CERT1: variants seen among roughly 807,000 people sequenced by gnomAD.
CERT1 encodes the protein ceramide transfer protein.
A neutral mutation model predicts 87.9 loss-of-function variants in CERT1; 31 were observed. That is an observed-to-expected ratio of 0.35 (90% CI 0.27 to 0.48). The LOEUF is 0.48. Among genes scored for constraint, CERT1 ranks in the 20% least tolerant of loss-of-function variants. The pLI is 0.99. For missense variants in CERT1, 487 were observed against 758.0 expected, an observed-to-expected ratio of 0.64 and a Z score of 4.20; for synonymous variants, 289 against 250.9, an observed-to-expected ratio of 1.15 and a Z score of -1.44.
At chr5:75,407,754 G>A (rs753957065) in intron 8 of CERT1, among the ~76,000 whole-genome samples, 1 of 151,816 alleles carries the variant, frequency 6.6e-6, no homozygotes. Context: ...AATATTAAAA[G>A]CCAGTGCCCT....
At chr5:75,440,049 A>G (rs1194279251) in intron 3 of CERT1, among the ~76,000 whole-genome samples, 1 of 152,066 alleles carries the variant, frequency 6.6e-6, no homozygotes, top group African/African-American at 2.4e-5. Context: ...TTTTATCTGT[A>G]AAACGATATG....
At chr5:75,430,206 C>CT (rs1376713324) in intron 3 of CERT1, among the ~76,000 whole-genome samples, 1 of 152,172 alleles carries the variant, frequency 6.6e-6, no homozygotes, top group East Asian at 1.9e-4. Context: ...AATGGTCACA[C>CT]TTTTTAATAA....
At chr5:75,408,778 A>C (rs567114729) in intron 8 of CERT1, among the ~76,000 whole-genome samples, 1 of 152,158 alleles carries the variant, frequency 6.6e-6, no homozygotes, top group Non-Finnish European at 1.5e-5. Context: ...ATGTAAAATA[A>C]AATAAAAAAA....
rs1015594737 is a variant in CERT1 at position 75,511,395 on chromosome 5, C to G, written c.-188G>C. 1.9e-6 allele frequency: 3 copies of G among 1,546,060 alleles called. No individual in the cohort carries two copies. Among genetic ancestry groups the G allele is most frequent in the African/African-American group, 1.4e-5 (1 of 72,880 alleles). Reference sequence around the variant, plus strand: ...CCGCCGCGCCTGACACCGAGCGGAGCGAGGAAGGAGGACGAGCGGTGAAGG... The same window carrying G: ...CCGCCGCGCCTGACACCGAGCGGAGGGAGGAAGGAGGACGAGCGGTGAAGG... On this transcript the variant is annotated 5_prime_UTR_variant, in exon 1 of 17. Transcript: ENST00000643780.
intron 7 of CERT1, among the ~76,000 whole-genome samples, chr5:75,413,748 C>A (rs1460771221): frequency 1.3e-5 from 2 of 151,954 alleles, no homozygotes; most frequent in Non-Finnish European, 2.9e-5. Context: ...CACCCACACA[C>A]CCACACATCC....
At chr5:75,442,244 C>CCTTA (rs1439021992) in intron 3 of CERT1, among the ~76,000 whole-genome samples, 2 of 152,176 alleles carry the variant, frequency 1.3e-5, no homozygotes, top group African/African-American at 4.8e-5. Flanking sequence ...CATTTCACTT[C>CCTTA]AGAGGACTCC....
intron 1 of CERT1, among the ~76,000 whole-genome samples, chr5:75,509,700 ATAC>A (rs1767827809): frequency 6.6e-6 from 1 of 152,178 alleles, no homozygotes; most frequent in Non-Finnish European, 1.5e-5. Context: ...ACACATCACA[ATAC>A]TAATATGGCA....
intron 17 of CERT1, chr5:75,372,319 C>G (rs914290468): frequency 5.1e-5 from 7 of 136,720 alleles, no homozygotes; most frequent in African/African-American, 1.9e-4. Flanking sequence ...CCCTCCCCAA[C>G]CCCCCCATTC....
At position 75,488,974 on chromosome 5, in the gene CERT1, C is replaced by T. The variant is rs180940205; in HGVS notation, c.231+17008G>A. On this transcript the variant is annotated intron_variant, in intron 2 of 16. Coordinates refer to ENST00000643780, the MANE Select transcript of CERT1 (RefSeq NM_001379029.1). ...TAAGCAAAAAGAACAAAGCTGGAGG[C>T]ATCATGCTACCTGACTTCAAACTAT... 2.1e-3 allele frequency among the ~76,000 whole-genome samples: 314 copies of T among 152,170 alleles called. 1 individual carries two copies. In the East Asian group the frequency reaches 0.027, roughly 13 times the overall value.
intron 11 of CERT1, among the ~76,000 whole-genome samples, chr5:75,397,673 C>T (rs960486488): frequency 6.6e-6 from 1 of 152,076 alleles, no homozygotes; most frequent in Admixed American, 6.5e-5. Flanking sequence ...CCAAAGTCTC[C>T]CAGTATTATG....
chr5:75,401,887 T>C (rs902531516), intron 9 of CERT1: 2 of 152,226 alleles, frequency 1.3e-5, no homozygotes, highest in South Asian at 4.1e-4. Flanking sequence ...CATGATTATT[T>C]GGCAAGATAC....
intron 2 of CERT1, among the ~76,000 whole-genome samples, chr5:75,480,281 T>TA (rs1766173226): frequency 6.6e-6 from 1 of 152,162 alleles, no homozygotes; most frequent in Non-Finnish European, 1.5e-5. Flanking sequence ...CAAAATAAGT[T>TA]AAAAAACAAA....
chr5:75,457,868 A>G (rs905324040), intron 3 of CERT1, among the ~76,000 whole-genome samples: 9 of 150,098 alleles, frequency 6.0e-5, no homozygotes, highest in Non-Finnish European at 1.2e-4. Context: ...TTTCTTTCTC[A>G]AGCCAGACTG....
chr5:75,384,478 A>C (rs922641538), intron 14 of CERT1, among the ~76,000 whole-genome samples, 164 bp downstream of exon 14: 2 of 152,234 alleles, frequency 1.3e-5, no homozygotes, highest in African/African-American at 4.8e-5. Context: ...GTTCTGAACA[A>C]GTTGATATAC....
At chr5:75,388,013 G>C (rs1761869562) in intron 12 of CERT1, among the ~76,000 whole-genome samples, 1 of 152,094 alleles carries the variant, frequency 6.6e-6, no homozygotes, top group South Asian at 2.1e-4. Context: ...TACGGTGACT[G>C]AACGATGACT....
At chr5:75,374,844 T>G (rs1761231921), downstream of CERT1, 3 of 488,018 alleles carry the variant, frequency 6.1e-6, no homozygotes, top group Non-Finnish European at 1.2e-5. Flanking sequence ...GATGGACTAT[T>G]CTCTGGAGAA....
Position 75,416,942 on chromosome 5 carries a change from T to G in CERT1, c.771A>C (p.Ala257=), listed in dbSNP as rs1335796055. 1.9e-6 allele frequency: 3 copies of G among 1,613,632 alleles called. No homozygotes were observed. The highest frequency in any genetic ancestry group is 2.5e-6 in the Non-Finnish European group (3 of 1,179,630). Residue 257 remains alanine (A), a synonymous_variant, in exon 7 of 17, where the codon GCA becomes GCC. Transcript: ENST00000643780. ...TFKATTAGIL[A]TLSHCIELMV... is the part of the protein sequence containing the mutation. ...TTAGTTCAATACAATGAGAAAGTGT[T>G]GCAAGGATTCCAGCAGTAGTTGCTT...
At chr5:75,489,855 C>A (rs1766693366) in intron 2 of CERT1, among the ~76,000 whole-genome samples, 3 of 152,034 alleles carry the variant, frequency 2.0e-5, no homozygotes, top group South Asian at 4.2e-4. Flanking sequence ...GAAAGCAATG[C>A]CATTACTGGG....
intron 3 of CERT1, among the ~76,000 whole-genome samples, chr5:75,449,562 T>A (rs1411458265): frequency 6.6e-6 from 1 of 152,204 alleles, no homozygotes; most frequent in Admixed American, 6.5e-5. Context: ...ATTTTCAATA[T>A]GCATCTGAGC....
Sources: allele counts gnomAD v4.1 joint callset (sites outside exome capture counted in the v4.1 genomes callset), GRCh38; gene constraint gnomAD v4.1.1; transcripts MANE v1.5; gene names NCBI Gene and HGNC (gene_info 2026-07-23, HGNC 2026-07-21).